Variants in ACADSB observed in about 807,000 individuals in gnomAD.
ACADSB encodes the protein short/branched chain specific acyl-CoA dehydrogenase, mitochondrial.
Under a neutral mutation model 54.1 loss-of-function variants are expected in ACADSB, and 40 were observed. The observed-to-expected ratio is 0.74, with a 90% CI of 0.57 to 0.96. The LOEUF is 0.96. ACADSB is among the 40% of genes least tolerant of loss of function. ACADSB has a pLI of 0.00. For synonymous variants in ACADSB, 182 were observed against 182.8 expected (o/e 1.00, Z 0.03); for missense variants, 530 against 510.4 (o/e 1.04, Z -0.37).
chr10:123,030,530 A>C (rs1850311808), intron 1 of ACADSB, among the ~76,000 whole-genome samples: 1 of 151,092 alleles, frequency 6.6e-6, no homozygotes, highest in Admixed American at 6.6e-5. Context: ...CTGTCTCAAA[A>C]AAAAAAAAAA....
rs570726447 is a variant in ACADSB, at chr10:123,033,846, GAA to G, written c.43-501_43-500del. 7.3e-5 allele frequency among the ~76,000 whole-genome samples: 11 copies of G among 150,502 alleles called. No individual in the cohort carries two copies. The East Asian group carries it at 1.9e-3, about 27-fold the overall frequency. ...ATTTTTATGCTGCCTGTAAGATGCT[GAA>G]AAAAAAAATTAGCCACGGAAATTAC... On this transcript the variant is annotated intron_variant, in intron 1 of 10. Coordinates refer to ENST00000358776, the MANE Select transcript of ACADSB (RefSeq NM_001609.4).
At chr10:123,044,688 G>T (rs1320987240) in intron 7 of ACADSB, among the ~76,000 whole-genome samples, 1 of 152,094 alleles carries the variant, frequency 6.6e-6, no homozygotes, top group Non-Finnish European at 1.5e-5. Flanking sequence ...ACAATGGCTT[G>T]GTGGTAACAG....
chr10:123,049,049 G>A (rs900565412), intron 8 of ACADSB, among the ~76,000 whole-genome samples: 3 of 152,148 alleles, frequency 2.0e-5, no homozygotes, highest in African/African-American at 7.2e-5. Flanking sequence ...TGGGTACACA[G>A]GTACCCATAA....
intron 1 of ACADSB, among the ~76,000 whole-genome samples, chr10:123,018,677 T>C (rs1443682946): frequency 6.6e-5 from 10 of 152,142 alleles, no homozygotes; most frequent in Non-Finnish European, 4.4e-5. Flanking sequence ...AGAGATTTAA[T>C]GGATTCGCAG....
chr10:123,035,837 G>A (rs1241455525), intron 2 of ACADSB, among the ~76,000 whole-genome samples: 1 of 152,156 alleles, frequency 6.6e-6, no homozygotes, highest in Non-Finnish European at 1.5e-5. Context: ...CTCCCTCCCA[G>A]CATCGAGTCT....
intron 1 of ACADSB, among the ~76,000 whole-genome samples, chr10:123,018,384 A>T (rs1850136008): frequency 6.6e-6 from 1 of 152,070 alleles, no homozygotes; most frequent in South Asian, 2.1e-4. Context: ...CCCTCTTTTG[A>T]GGGAATCACT....
Position 123,040,473 on chromosome 10 carries a change from G to T in ACADSB, c.311G>T (p.Gly104Val), listed in dbSNP as rs773441544. Residue 104 changes from glycine to valine, a missense_variant, in exon 4 of 11, where the codon GGT (glycine) becomes GTT (valine). Physicochemically the swap from Gly to Val is moderately radical, Grantham distance 109. Transcript: ENST00000358776. ...IQGLFQQGLM[G>V]IEVDPEYGGT... Reference sequence around the variant, plus strand: ...GCCTTGTTTTTTCTTTAGTTGATGGGTATTGAAGTTGACCCAGAATATGGA... The same window carrying T: ...GCCTTGTTTTTTCTTTAGTTGATGGTTATTGAAGTTGACCCAGAATATGGA... 1 of 1,613,778 alleles carries T rather than the reference G, an allele frequency of 6.2e-7. No homozygotes were observed. Among genetic ancestry groups the T allele is most frequent in the Admixed American group, 1.7e-5 (1 of 60,010 alleles).
In ACADSB at chr10:123,053,064, G is replaced by A. The variant is rs1176374241; in HGVS notation, c.1132G>A (p.Ala378Thr). Residue 378 changes from alanine to threonine, a missense_variant, in exon 10 of 11, where the codon GCA (alanine) becomes ACA (threonine). Physicochemically the swap from Ala to Thr is moderately conservative, Grantham distance 58. Transcript: ENST00000358776. ...GATTTGCACTTGCTTTTGGTAGATT[G>A]CAGGACAAACAACGAGTAAATGTAT... ...SMAKYYASEI[A>T]GQTTSKCIEW... 1 of 1,613,458 alleles carries A rather than the reference G, an allele frequency of 6.2e-7. No homozygotes were observed. The highest frequency in any genetic ancestry group is 2.2e-5 in the East Asian group (1 of 44,844).
chr10:123,047,359 G>A, intron 8 of ACADSB, 61 bp downstream of exon 8: 1 of 1,208,516 alleles, frequency 8.3e-7, no homozygotes, highest in Non-Finnish European at 1.2e-6. Context: ...GTTAATGAAG[G>A]GCTGTGTTGA....
At position 123,041,356 on chromosome 10, in the gene ACADSB, A is replaced by T. The variant is rs1850470744; in HGVS notation, c.658A>T (p.Met220Leu). 1 of 1,614,184 alleles carries T rather than the reference A, an allele frequency of 6.2e-7. No homozygotes were observed. Among genetic ancestry groups the T allele is most frequent in the Non-Finnish European group, 8.5e-7 (1 of 1,180,024 alleles). The change falls in exon 5 of 11, where the codon ATG (methionine) becomes TTG (leucine). Residue 220 changes from methionine to leucine, a missense_variant. By Grantham distance (15) the Met-to-Leu change is conservative (BLOSUM62 2). Coordinates refer to ENST00000358776, the MANE Select transcript of ACADSB (RefSeq NM_001609.4). ...TGAGCACGCAGGGCTCTTTCTGGTG[A>T]TGGCAAATGTAGACCCTACCATTGT... ...SAEHAGLFLV[M>L]ANVDPTIGYK...
chr10:123,041,179 A>G (rs1850467625), intron 4 of ACADSB, 30 bp from the exon 5 acceptor site: 3 of 1,610,542 alleles, frequency 1.9e-6, no homozygotes, highest in Admixed American at 1.7e-5. Context: ...TACAGTTATT[A>G]ATTTGGACAT....
At chr10:123,023,576 C>T (rs1589734115) in intron 1 of ACADSB, among the ~76,000 whole-genome samples, 2 of 152,080 alleles carry the variant, frequency 1.3e-5, no homozygotes, top group African/African-American at 4.8e-5. Flanking sequence ...CTTTGTATGC[C>T]CCAATAGATA....
chr10:123,014,609 G>A (rs775967387), intron 1 of ACADSB, among the ~76,000 whole-genome samples: 8 of 152,348 alleles, frequency 5.3e-5, no homozygotes, highest in Non-Finnish European at 1.2e-4. Context: ...GGATCTGTAG[G>A]TTTACAACAG....
chr10:123,038,064 A>G (rs1251641349), intron 3 of ACADSB, among the ~76,000 whole-genome samples: 1 of 152,236 alleles, frequency 6.6e-6, no homozygotes, highest in Non-Finnish European at 1.5e-5. Context: ...TTTGGAAGTA[A>G]GATGGTAATT....
chr10:123,037,237 C>T (rs901518737), intron 2 of ACADSB, among the ~76,000 whole-genome samples: 1 of 152,134 alleles, frequency 6.6e-6, no homozygotes, highest in Non-Finnish European at 1.5e-5. Context: ...GTGGGGAAAC[C>T]CTGTTCTGTA....
chr10:123,013,951 C>T (rs999269378), intron 1 of ACADSB, among the ~76,000 whole-genome samples: 2 of 152,224 alleles, frequency 1.3e-5, no homozygotes, highest in Non-Finnish European at 2.9e-5. Context: ...AGGGCTCCCA[C>T]GGTGCAGCGG....
chr10:123,043,623 G>A (rs1321628557), intron 6 of ACADSB, among the ~76,000 whole-genome samples: 2 of 152,182 alleles, frequency 1.3e-5, no homozygotes, highest in East Asian at 1.9e-4. Context: ...AGAACTCCCT[G>A]TAGGTGGGGC....
At chr10:123,041,508 T>A in intron 5 of ACADSB, 129 bp downstream of exon 5, 1 of 948,308 alleles carries the variant, frequency 1.1e-6, no homozygotes, top group Non-Finnish European at 1.6e-6. Flanking sequence ...ACTGAAAATG[T>A]CAGACTTGAG....
intron 3 of ACADSB, among the ~76,000 whole-genome samples, chr10:123,039,028 C>A (rs959344604): frequency 2.0e-5 from 3 of 152,220 alleles, no homozygotes; most frequent in African/African-American, 7.2e-5. Flanking sequence ...TACTCATCTC[C>A]ACAAACCACT....
Sources: gnomAD v4.1 joint callset for allele counts (sites outside exome capture counted in the v4.1 genomes callset) on GRCh38, gnomAD v4.1.1 for gene constraint, MANE v1.5 for transcripts, NCBI Gene and HGNC (gene_info 2026-07-23, HGNC 2026-07-21) for gene names.